CPM: variants seen among roughly 807,000 people sequenced by gnomAD.
CPM encodes the protein carboxypeptidase M.
In CPM, 35 loss-of-function variants were observed where a neutral mutation model predicts 46.4. That is an observed-to-expected ratio of 0.75 (90% CI 0.58 to 1.00). The LOEUF is 1.00. CPM is among the 50% of genes least tolerant of loss of function. The pLI, the probability that CPM is intolerant of heterozygous loss-of-function variation, is 0.00. For missense variants in CPM, 422 were observed against 530.4 expected, an observed-to-expected ratio of 0.80 and a Z score of 2.01; for synonymous variants, 195 against 195.3, an observed-to-expected ratio of 1.00 and a Z score of 0.01.
At chr12:68,886,094 C>A (rs935991948) in intron 2 of CPM, among the ~76,000 whole-genome samples, 1 of 152,090 alleles carries the variant, frequency 6.6e-6, no homozygotes, top group African/African-American at 2.4e-5. Context: ...CAATTCAGCA[C>A]AAATATTTCA....
chr12:68,895,719 C>T (rs952497549), intron 2 of CPM, among the ~76,000 whole-genome samples: 1 of 152,148 alleles, frequency 6.6e-6, no homozygotes, highest in Non-Finnish European at 1.5e-5. Context: ...GTGGCTCACG[C>T]CTGTAATCCC....
intron 1 of CPM, among the ~76,000 whole-genome samples, chr12:68,942,435 A>G (rs1888779610): frequency 6.6e-6 from 1 of 152,196 alleles, no homozygotes; most frequent in Admixed American, 6.5e-5. Flanking sequence ...ATAAAAATAC[A>G]CAGCAATGAC....
chr12:68,890,502 CTT>C (rs1886612518), intron 2 of CPM, among the ~76,000 whole-genome samples: 1 of 152,152 alleles, frequency 6.6e-6, no homozygotes, highest in African/African-American at 2.4e-5. Flanking sequence ...GTTGAGGAAA[CTT>C]AAGTGGCAGA....
Position 68,885,842 on chromosome 12 carries a change from T to C in CPM, c.208A>G (p.Arg70Gly). The C allele has an allele frequency of 6.2e-7, 1 of 1,614,232 alleles. No homozygotes were observed. Among genetic ancestry groups the C allele is most frequent in the Non-Finnish European group, 8.5e-7 (1 of 1,180,036 alleles). Residue 70 changes from arginine to glycine, a missense_variant, in exon 3 of 9, where the codon AGA becomes GGA. Coordinates refer to ENST00000551568, the MANE Select transcript of CPM (RefSeq NM_198320.5). ...LVVGRFPKEH[R>G]IGIPEFKYVA... ...TATTTGAACTCTGGAATCCCAATTC[T>C]GTGTTCCTTTGGAAACCGCCCCACA...
At chr12:68,890,770 T>C (rs988842492) in intron 2 of CPM, among the ~76,000 whole-genome samples, 1 of 152,196 alleles carries the variant, frequency 6.6e-6, no homozygotes, top group East Asian at 1.9e-4. Flanking sequence ...ACATTCCACA[T>C]TGGGTGTTAA....
intron 2 of CPM, among the ~76,000 whole-genome samples, chr12:68,929,328 T>A (rs552099871): frequency 6.6e-6 from 1 of 152,120 alleles, no homozygotes; most frequent in Non-Finnish European, 1.5e-5. Context: ...TAAATAGATA[T>A]AGATTATTGA....
intron 1 of CPM, among the ~76,000 whole-genome samples, chr12:68,962,701 T>A (rs1889142730): frequency 6.6e-6 from 1 of 152,176 alleles, no homozygotes; most frequent in Non-Finnish European, 1.5e-5. Context: ...ACCCTCTTCC[T>A]TTTAGAATTG....
chr12:68,866,378 G>C (rs978635362), intron 7 of CPM, among the ~76,000 whole-genome samples: 1 of 152,188 alleles, frequency 6.6e-6, no homozygotes, highest in African/African-American at 2.4e-5. Flanking sequence ...CTGTCACCCA[G>C]TCTGGAGTAC....
At chr12:68,865,638 A>ACTCT (rs150987022) in intron 7 of CPM, among the ~76,000 whole-genome samples, 1 of 147,400 alleles carries the variant, frequency 6.8e-6, no homozygotes, top group Admixed American at 6.8e-5. Context: ...ACACACTCAC[A>ACTCT]CTCTCTCTCT....
chr12:68,917,344 C>T (rs1887854271), intron 2 of CPM, among the ~76,000 whole-genome samples: 1 of 152,300 alleles, frequency 6.6e-6, no homozygotes, highest in African/African-American at 2.4e-5. Context: ...CTTATTTACC[C>T]CTATAGTCTC....
Position 68,897,705 on chromosome 12 carries a change from C to G in CPM, c.161-11816G>C, listed in dbSNP as rs150041942. ...TGAGTGGAGATCGTGCCATTGCACT[C>G]CAGTCTGGGTGACAGAGCGAGACTC... On this transcript the variant is annotated intron_variant, in intron 2 of 8. Coordinates refer to ENST00000551568, the MANE Select transcript of CPM (RefSeq NM_198320.5). 9.8e-3 allele frequency among the ~76,000 whole-genome samples: 1,429 copies of G among 146,236 alleles called. 25 individuals carry two copies. The highest frequency in any genetic ancestry group is 0.033 in the African/African-American group (1,316 of 39,342).
chr12:68,845,612 AG>A (rs1309504902), intron 5 of CPM: 1 of 178,150 alleles, frequency 5.6e-6, no homozygotes, highest in African/African-American at 2.4e-5. Flanking sequence ...TCTCCTTTAA[AG>A]ACTTTAAAAA....
intron 2 of CPM, among the ~76,000 whole-genome samples, chr12:68,902,133 T>G (rs549429344): frequency 1.3e-5 from 2 of 152,162 alleles, no homozygotes; most frequent in Non-Finnish European, 2.9e-5. Context: ...GAGGTAAATA[T>G]GAGCTTTGTT....
At chr12:68,875,531 C>T (rs1483127130) in intron 3 of CPM, among the ~76,000 whole-genome samples, 5 of 151,934 alleles carry the variant, frequency 3.3e-5, no homozygotes, top group African/African-American at 7.3e-5. Flanking sequence ...TCAAGCTGGG[C>T]GCGGTGGCTC....
At chr12:68,849,084 C>G (rs1334128450), downstream of CPM, 1 of 145,900 alleles carries the variant, frequency 6.9e-6, no homozygotes, top group Admixed American at 6.8e-5. Flanking sequence ...TGTCCACTAA[C>G]GGTAGACCCT....
At position 68,854,070 on chromosome 12, in the gene CPM, T is replaced by C. The variant is rs1020321877; in HGVS notation, c.*2367A>G. On this transcript the variant is annotated 3_prime_UTR_variant, in exon 9 of 9. Coordinates refer to ENST00000551568, the MANE Select transcript of CPM (RefSeq NM_198320.5). ...TTTGTAGTGCTGTTAGGAGGTAACATAATACCTTTACTACCAATCTTAGGA... is the reference window on the plus strand; with the variant it reads ...TTTGTAGTGCTGTTAGGAGGTAACACAATACCTTTACTACCAATCTTAGGA... The C allele has an allele frequency of 1.3e-5, 2 of 152,162 alleles. No individual in the cohort carries two copies. Among genetic ancestry groups the C allele is most frequent in the Non-Finnish European group, 2.9e-5 (2 of 68,032 alleles). 9.4% of individuals were successfully genotyped at this position (152,162 alleles called of 1,614,324 possible). A position where few individuals can be genotyped will look rare whatever the true frequency, so the allele number is the denominator to read the frequency against.
rs550238604 is a variant in CPM at position 68,939,144 on chromosome 12, T to C, written c.-3-6304A>G. Among the ~76,000 whole-genome samples, 1,089 of 145,864 alleles carry C rather than the reference T, an allele frequency of 7.5e-3. 8 individuals are homozygous for C. Among genetic ancestry groups the C allele is most frequent in the Non-Finnish European group, 0.012 (825 of 67,002 alleles). On this transcript the variant is annotated intron_variant, in intron 1 of 8. Transcript: ENST00000546373. ...ATATATGTATGTATATATGTACATA[T>C]ATCTATAATAATATATACATAATAT...
intron 7 of CPM, 76 bp downstream of exon 7, chr12:68,866,820 C>T (rs534647240): frequency 8.8e-6 from 11 of 1,244,180 alleles, no homozygotes; most frequent in East Asian, 4.7e-5. Flanking sequence ...TAAAGGCTTG[C>T]GTTTAGTCAA....
chr12:68,907,427 C>T (rs1887398614), intron 2 of CPM, among the ~76,000 whole-genome samples: 1 of 152,164 alleles, frequency 6.6e-6, no homozygotes, highest in African/African-American at 2.4e-5. Flanking sequence ...TAAAAGGAGG[C>T]TTATAATAGT....
Sources: gnomAD v4.1 joint callset for allele counts (sites outside exome capture counted in the v4.1 genomes callset) on GRCh38, gnomAD v4.1.1 for gene constraint, MANE v1.5 for transcripts, NCBI Gene and HGNC (gene_info 2026-07-23, HGNC 2026-07-21) for gene names.